Variants in SPAG16 observed in about 807,000 individuals in gnomAD.
The protein encoded by SPAG16 is sperm associated antigen 16, also known as sperm-associated antigen 16 protein.
A neutral mutation model predicts 80.4 loss-of-function variants in SPAG16; 86 were observed. The ratio of observed to expected loss-of-function variants is 1.07; its 90% CI spans 0.90 to 1.28. The LOEUF (loss-of-function observed/expected upper bound fraction) is 1.28. Among genes scored for constraint, SPAG16 ranks in the 50% most tolerant of loss-of-function variants. The probability of loss-of-function intolerance (pLI) is 0.00; values close to 1 mark genes in which losing one functional copy is unlikely to be tolerated. For missense variants in SPAG16, 870 were observed against 765.3 expected (o/e 1.14, Z -1.61); for synonymous variants, 294 against 265.9 (o/e 1.11, Z -1.03).
chr2:214,105,059 T>C (rs181377823), intron 13 of SPAG16, among the ~76,000 whole-genome samples: 26 of 152,196 alleles, frequency 1.7e-4, no homozygotes, highest in Admixed American at 1.3e-3. Context: ...TCTTTGTGCT[T>C]ATCCATATCC....
At chr2:213,610,767 T>C (rs1217207223) in intron 10 of SPAG16, among the ~76,000 whole-genome samples, 2 of 152,154 alleles carry the variant, frequency 1.3e-5, no homozygotes, top group Non-Finnish European at 2.9e-5. Flanking sequence ...TGTATATATA[T>C]AGGATTAAAA....
At chr2:213,862,112 A>G (rs1362744237) in intron 10 of SPAG16, among the ~76,000 whole-genome samples, 1 of 152,196 alleles carries the variant, frequency 6.6e-6, no homozygotes, top group Non-Finnish European at 1.5e-5. Context: ...GTTCTATAGT[A>G]ACCATGACCA....
At chr2:213,355,488 A>G (rs2065587701) in intron 7 of SPAG16, among the ~76,000 whole-genome samples, 1 of 152,152 alleles carries the variant, frequency 6.6e-6, no homozygotes, top group Admixed American at 6.5e-5. Context: ...GATTGTTCCT[A>G]TCCGTGAGCA....
At chr2:213,353,266 C>T (rs1336672328) in intron 7 of SPAG16, among the ~76,000 whole-genome samples, 1 of 152,206 alleles carries the variant, frequency 6.6e-6, no homozygotes, top group Non-Finnish European at 1.5e-5. Flanking sequence ...TCTGTGGCCT[C>T]ATTATCCTAA....
At chr2:214,081,837 A>AC (rs2051410533) in intron 13 of SPAG16, among the ~76,000 whole-genome samples, 1 of 148,976 alleles carries the variant, frequency 6.7e-6, no homozygotes, top group Non-Finnish European at 1.5e-5. Context: ...TACTCATTGT[A>AC]TTTTTTTTTT....
chr2:213,535,425 G>A (rs1173356757), intron 10 of SPAG16, among the ~76,000 whole-genome samples: 2 of 152,004 alleles, frequency 1.3e-5, no homozygotes, highest in Non-Finnish European at 1.5e-5. Context: ...TTCTAGAGAC[G>A]GAAATCATGT....
At chr2:214,029,699 A>G (rs556380546) in intron 13 of SPAG16, among the ~76,000 whole-genome samples, 75 of 152,088 alleles carry the variant, frequency 4.9e-4, no homozygotes, top group Non-Finnish European at 9.6e-4. Context: ...CTCAAACTTA[A>G]CTCTATGCCT....
At chr2:214,239,878 G>A (rs1482941860) in intron 15 of SPAG16, 1 of 151,832 alleles carries the variant, frequency 6.6e-6, no homozygotes, top group Non-Finnish European at 1.5e-5. Context: ...GCTTTACTGT[G>A]GCAATTTAAA....
At chr2:214,068,698 C>T (rs982555512) in intron 13 of SPAG16, among the ~76,000 whole-genome samples, 11 of 151,876 alleles carry the variant, frequency 7.2e-5, no homozygotes, top group African/African-American at 2.4e-4. Flanking sequence ...TGATGACTGG[C>T]AATTATAAAA....
At chr2:214,143,050 G>A (rs1346615692) in intron 14 of SPAG16, among the ~76,000 whole-genome samples, 4 of 151,912 alleles carry the variant, frequency 2.6e-5, no homozygotes, top group South Asian at 2.1e-4. Flanking sequence ...TTTAAAAATC[G>A]TTTTTTAGCC....
At chr2:213,526,609 A>C (rs2075896307) in intron 10 of SPAG16, among the ~76,000 whole-genome samples, 1 of 152,134 alleles carries the variant, frequency 6.6e-6, no homozygotes, top group Non-Finnish European at 1.5e-5. Flanking sequence ...CTCTTTGTTG[A>C]ATCCCACTTT....
intron 10 of SPAG16, among the ~76,000 whole-genome samples, chr2:213,753,399 C>T (rs968212565): frequency 2.7e-4 from 41 of 152,190 alleles, no homozygotes; most frequent in African/African-American, 9.2e-4. Context: ...AATCACTGAA[C>T]TGTTTGTGGG....
intron 9 of SPAG16, among the ~76,000 whole-genome samples, chr2:213,441,910 G>T (rs1433494208): frequency 1.3e-5 from 2 of 152,190 alleles, no homozygotes; most frequent in Non-Finnish European, 2.9e-5. Flanking sequence ...ACTTTGGGAG[G>T]CTGAGACAGG....
At chr2:213,718,255 G>A (rs1009090872) in intron 10 of SPAG16, among the ~76,000 whole-genome samples, 2 of 151,216 alleles carry the variant, frequency 1.3e-5, no homozygotes, top group African/African-American at 4.9e-5. Context: ...AATGAAAAAA[G>A]CTCATAATCA....
chr2:213,526,260 A>G (rs549379510), intron 10 of SPAG16, among the ~76,000 whole-genome samples: 2 of 152,282 alleles, frequency 1.3e-5, no homozygotes, highest in South Asian at 2.1e-4. Flanking sequence ...TATAATACTC[A>G]ATATTTAGTA....
intron 10 of SPAG16, among the ~76,000 whole-genome samples, chr2:213,557,626 TA>T (rs2059468189): frequency 6.6e-6 from 1 of 151,908 alleles, no homozygotes; most frequent in Non-Finnish European, 1.5e-5. Flanking sequence ...AAGTTTACAT[TA>T]AAAAAAATTG....
intron 10 of SPAG16, among the ~76,000 whole-genome samples, chr2:213,498,101 A>G (rs950903578): frequency 1.3e-5 from 2 of 152,170 alleles, no homozygotes; most frequent in East Asian, 1.9e-4. Context: ...AAACTATATT[A>G]TATTCACACA....
chr2:213,287,710 C>G (rs1290991203), intron 1 of SPAG16, among the ~76,000 whole-genome samples: 1 of 152,060 alleles, frequency 6.6e-6, no homozygotes, highest in African/African-American at 2.4e-5. Context: ...TAAGTTTAAG[C>G]CAGTTCTGTG....
At chr2:213,838,041 T>G (rs2074179246) in intron 10 of SPAG16, among the ~76,000 whole-genome samples, 1 of 152,116 alleles carries the variant, frequency 6.6e-6, no homozygotes, top group Non-Finnish European at 1.5e-5. Context: ...CTCATCAGTG[T>G]TTTGCTGCCG....
Sources: gnomAD v4.1 joint callset for allele counts (sites outside exome capture counted in the v4.1 genomes callset) on GRCh38, gnomAD v4.1.1 for gene constraint, MANE v1.5 for transcripts, NCBI Gene and HGNC (gene_info 2026-07-23, HGNC 2026-07-21) for gene names.